Variants in UBE2N observed in about 807,000 individuals in gnomAD.
UBE2N encodes the protein ubiquitin-conjugating enzyme E2 N.
For synonymous variants in UBE2N, 70 were observed against 69.2 expected (o/e 1.01, Z -0.06); for missense variants, 60 against 192.1 (o/e 0.31, Z 4.07).
At chr12:93,426,511 G>A (rs1878590472) in intron 1 of UBE2N, among the ~76,000 whole-genome samples, 2 of 151,728 alleles carry the variant, frequency 1.3e-5, no homozygotes, top group African/African-American at 4.8e-5. Context: ...ACAGGTAGGA[G>A]ACACCCTGCA....
In UBE2N at chr12:93,405,697, T is replaced by C. The variant is rs1877771764; in HGVS notation, c.*4342A>G. Reference sequence around the variant, plus strand: ...ATATATTACTAGTCCAGGTGGTAGATGACAGATTTTTATTATTTACACTTC... The same window carrying C: ...ATATATTACTAGTCCAGGTGGTAGACGACAGATTTTTATTATTTACACTTC... On this transcript the variant is annotated 3_prime_UTR_variant, in exon 4 of 4. Transcript: ENST00000318066. The C allele has an allele frequency of 6.6e-6, 1 of 152,200 alleles. No homozygotes were observed. 9.4% of individuals were successfully genotyped at this position (152,200 alleles called of 1,614,324 possible). A position where few individuals can be genotyped will look rare whatever the true frequency, so the allele number is the denominator to read the frequency against.
chr12:93,411,413 C>T lies in UBE2N; in HGVS notation c.31-114G>A, dbSNP rs139512286. The stretch of plus-strand genomic sequence containing the variant: ...ACGCATAATAGAACAGCTCCAATCT[C>T]CCAACAGATTTAGCTTATAAAATGC... On this transcript the variant is annotated intron_variant, in intron 1 of 3. Coordinates refer to ENST00000318066, the MANE Select transcript of UBE2N (RefSeq NM_003348.4). 6.7e-4 allele frequency: 936 copies of T among 1,404,442 alleles called. 6 individuals are homozygous for T. In the African/African-American group the frequency reaches 0.012, roughly 18 times the overall value. 87.0% of individuals were successfully genotyped at this position (1,404,442 alleles called of 1,614,324 possible). A position where few individuals can be genotyped will look rare whatever the true frequency, so the allele number is the denominator to read the frequency against.
intron 1 of UBE2N, among the ~76,000 whole-genome samples, chr12:93,423,863 G>T (rs1453421063): frequency 6.6e-6 from 1 of 152,130 alleles, no homozygotes; most frequent in East Asian, 1.9e-4. Context: ...GAAGGAGAAG[G>T]ATATTATGAA....
At chr12:93,432,381 A>G (rs1189828238) in intron 1 of UBE2N, among the ~76,000 whole-genome samples, 2 of 152,190 alleles carry the variant, frequency 1.3e-5, no homozygotes, top group Non-Finnish European at 2.9e-5. Flanking sequence ...AGGTTACAGA[A>G]AACTGAAATT....
At position 93,406,275 on chromosome 12, in the gene UBE2N, C is replaced by CCAAAAAAAAAA. The variant is rs1287037705; in HGVS notation, c.*3763_*3764insTTTTTTTTTTG. ...AGAGCTAGAAAGTGGCTAGAGCAGC[C>CCAAAAAAAAAA]AAAAAAAAAAAAAAAAAAAAAAAAA... On this transcript the variant is annotated 3_prime_UTR_variant, in exon 4 of 4. Coordinates refer to ENST00000318066, the MANE Select transcript of UBE2N (RefSeq NM_003348.4). The CCAAAAAAAAAA allele has an allele frequency of 2.6e-5, 1 of 37,990 alleles. No individual in the cohort carries two copies. Among genetic ancestry groups the CCAAAAAAAAAA allele is most frequent in the African/African-American group, 8.3e-5 (1 of 12,012 alleles). The allele number at this position is 37,990 out of a possible 1,614,324, so 2.4% of individuals were successfully genotyped here.
At chr12:93,432,629 C>T (rs1208005335) in intron 1 of UBE2N, among the ~76,000 whole-genome samples, 2 of 152,116 alleles carry the variant, frequency 1.3e-5, no homozygotes, top group Non-Finnish European at 2.9e-5. Context: ...AACTACAATG[C>T]CTTCAATCCC....
chr12:93,440,553 A>G (rs1879067870), intron 1 of UBE2N, among the ~76,000 whole-genome samples: 1 of 152,254 alleles, frequency 6.6e-6, no homozygotes, highest in Non-Finnish European at 1.5e-5. Context: ...AGTATACAGT[A>G]CATCATCCTC....
At chr12:93,436,108 T>C (rs79814220) in intron 1 of UBE2N, among the ~76,000 whole-genome samples, 134 of 152,208 alleles carry the variant, frequency 8.8e-4, no homozygotes, top group African/African-American at 3.1e-3. Context: ...TTATTATCAT[T>C]ATTACTATTT....
intron 1 of UBE2N, among the ~76,000 whole-genome samples, chr12:93,424,001 A>G (rs1296623221): frequency 2.0e-5 from 3 of 152,218 alleles, no homozygotes; most frequent in African/African-American, 7.2e-5. Flanking sequence ...ATTAATCTAA[A>G]TAAAATTAGC....
intron 1 of UBE2N, chr12:93,441,381 T>A (rs554139224): frequency 6.4e-6 from 1 of 156,566 alleles, no homozygotes; most frequent in Admixed American, 6.5e-5. Context: ...GCACCCGCGG[T>A]TGCCGCACCT....
chr12:93,421,189 TTTTC>T (rs1380676703), intron 1 of UBE2N, among the ~76,000 whole-genome samples: 4 of 141,172 alleles, frequency 2.8e-5, no homozygotes, highest in East Asian at 4.0e-4. Context: ...TTCTTAATCT[TTTTC>T]TTTCTTTTTT....
At chr12:93,426,456 GTAAGTAA>G (rs1044727254) in intron 1 of UBE2N, among the ~76,000 whole-genome samples, 1 of 149,272 alleles carries the variant, frequency 6.7e-6, no homozygotes, top group African/African-American at 2.5e-5. Flanking sequence ...TTTGAATAGT[GTAAGTAA>G]ACAGTTTTCT....
intron 1 of UBE2N, among the ~76,000 whole-genome samples, chr12:93,440,975 G>A (rs1879082682): frequency 6.6e-6 from 1 of 152,170 alleles, no homozygotes; most frequent in Non-Finnish European, 1.5e-5. Flanking sequence ...GATCTCTGAA[G>A]CCAGGAGTTT....
At position 93,430,061 on chromosome 12, in the gene UBE2N, C is replaced by T. The variant is rs187801152; in HGVS notation, c.30+11794G>A. On this transcript the variant is annotated intron_variant, in intron 1 of 3. Coordinates refer to ENST00000318066, the MANE Select transcript of UBE2N (RefSeq NM_003348.4). Reference sequence around the variant, plus strand: ...TTCAAATCCACTCACCACTCACTCACCCAGGGCAACTTCCAGTCCTGCAAG... The same window carrying T: ...TTCAAATCCACTCACCACTCACTCATCCAGGGCAACTTCCAGTCCTGCAAG... Among the ~76,000 whole-genome samples, 389 of 152,278 alleles carry T rather than the reference C, an allele frequency of 2.6e-3. 5 individuals are homozygous for T. The highest frequency in any genetic ancestry group is 9.1e-3 in the African/African-American group (377 of 41,546).
chr12:93,435,984 A>G (rs1403196352), intron 1 of UBE2N, among the ~76,000 whole-genome samples: 1 of 152,212 alleles, frequency 6.6e-6, no homozygotes, highest in Non-Finnish European at 1.5e-5. Flanking sequence ...AAATTCTGCG[A>G]AAGACTGGTA....
At chr12:93,429,405 T>TA (rs1456571335) in intron 1 of UBE2N, 13 of 380,852 alleles carry the variant, frequency 3.4e-5, no homozygotes, top group Non-Finnish European at 6.1e-5. Flanking sequence ...AGTGGTACTT[T>TA]AAATACAGTC....
At position 93,408,723 on chromosome 12, in the gene UBE2N, G is replaced by A. The variant is rs900772792; in HGVS notation, c.*1316C>T. The stretch of plus-strand genomic sequence containing the variant: ...ACGAGCTCCCACAGCAAATACTGGA[G>A]GGATGAAAGCAAGAATCATTAACTG... On this transcript the variant is annotated 3_prime_UTR_variant, in exon 4 of 4. Transcript: ENST00000318066. The A allele has an allele frequency of 6.6e-6, 1 of 152,166 alleles. No individual in the cohort carries two copies. Among genetic ancestry groups the A allele is most frequent in the African/African-American group, 2.4e-5 (1 of 41,446 alleles). 9.4% of individuals were successfully genotyped at this position (152,166 alleles called of 1,614,324 possible). A position where few individuals can be genotyped will look rare whatever the true frequency, so the allele number is the denominator to read the frequency against.
intron 1 of UBE2N, 142 bp from the exon 2 acceptor site, chr12:93,411,441 A>T (rs1456450358): frequency 5.4e-6 from 6 of 1,116,622 alleles, no homozygotes; most frequent in Non-Finnish European, 6.2e-6. Flanking sequence ...TAAAATGCAA[A>T]ATTCAAAAAA....
rs1877804898 is a variant in UBE2N at position 93,406,252 on chromosome 12, A to G, written c.*3787T>C. 7.4e-6 allele frequency: 1 copy of G among 135,200 alleles called. No individual in the cohort carries two copies. The highest frequency in any genetic ancestry group is 1.6e-5 in the Non-Finnish European group (1 of 64,320). The allele number at this position is 135,200 out of a possible 1,614,324, so 8.4% of individuals were successfully genotyped here. A position where few individuals can be genotyped will look rare whatever the true frequency, so the allele number is the denominator to read the frequency against. Reference sequence around the variant, plus strand: ...CACAGCACTCCAGCCTAAACTACAGAGCTAGAAAGTGGCTAGAGCAGCCAA... The same window carrying G: ...CACAGCACTCCAGCCTAAACTACAGGGCTAGAAAGTGGCTAGAGCAGCCAA... On this transcript the variant is annotated 3_prime_UTR_variant, in exon 4 of 4. Coordinates refer to ENST00000318066, the MANE Select transcript of UBE2N (RefSeq NM_003348.4).
Sources: allele counts gnomAD v4.1 joint callset (sites outside exome capture counted in the v4.1 genomes callset), GRCh38; gene constraint gnomAD v4.1.1; transcripts MANE v1.5; gene names NCBI Gene and HGNC (gene_info 2026-07-23, HGNC 2026-07-21).